Variants in KCNJ5 observed in about 807,000 individuals in gnomAD.
The protein encoded by KCNJ5 is G protein-activated inward rectifier potassium channel 4.
KCNJ5 carries 12 observed loss-of-function variants against 20.2 expected under a neutral mutation model. The observed-to-expected ratio is 0.59, with a 90% CI of 0.38 to 0.96. KCNJ5 has a LOEUF of 0.96. Among genes scored for constraint, KCNJ5 ranks in the 40% least tolerant of loss-of-function variants. The pLI, the probability that KCNJ5 is intolerant of heterozygous loss-of-function variation, is 0.00. For synonymous variants in KCNJ5, 210 were observed against 213.9 expected, an observed-to-expected ratio of 0.98 and a Z score of 0.16; for missense variants, 449 against 557.6, an observed-to-expected ratio of 0.81 and a Z score of 1.96.
intron 2 of KCNJ5, among the ~76,000 whole-genome samples, chr11:128,913,576 C>CTT (rs1329728786): frequency 3.4e-5 from 3 of 89,254 alleles, no homozygotes; most frequent in Non-Finnish European, 6.8e-5. Flanking sequence ...CTTTCTCTCT[C>CTT]TCTCTCTTTT....
rs756445908 is a variant in KCNJ5, at chr11:128,914,599, G to A, written c.938-1810G>A. ...TCAGCTTGAGTAGCACAACTCTGCC[G>A]TATCCTGCCTGAGCGGGTTTGAGCA... On this transcript the variant is annotated intron_variant, in intron 2 of 2. Transcript: ENST00000529694. Among the ~76,000 whole-genome samples the A allele has an allele frequency of 1.7e-4, 26 of 152,168 alleles. No individual in the cohort carries two copies. The East Asian group carries it at 2.1e-3, about 12-fold the overall frequency.
chr11:128,904,730 C>T lies in KCNJ5; in HGVS notation c.-10-6534C>T, dbSNP rs116520375. 8.6e-4 allele frequency: 500 copies of T among 581,126 alleles called. 3 individuals carry two copies. The highest frequency in any genetic ancestry group is 8.4e-3 in the African/African-American group (439 of 52,520). The allele number at this position is 581,126 out of a possible 1,614,324, so 36.0% of individuals were successfully genotyped here. A position where few individuals can be genotyped will look rare whatever the true frequency, so the allele number is the denominator to read the frequency against. On this transcript the variant is annotated intron_variant, in intron 1 of 2. Transcript: ENST00000529694. ...CCCAGAGCTCAACATAATTCAAACACCCAGTGGGTGTTGAGTGGGGGTTCG... is the reference window on the plus strand; with the variant it reads ...CCCAGAGCTCAACATAATTCAAACATCCAGTGGGTGTTGAGTGGGGGTTCG...
At chr11:128,907,868 G>A (rs1465050065) in intron 1 of KCNJ5, among the ~76,000 whole-genome samples, 1 of 152,222 alleles carries the variant, frequency 6.6e-6, no homozygotes, top group Non-Finnish European at 1.5e-5. Flanking sequence ...TTTATGTCCA[G>A]CTCCTAGCAC....
At position 128,904,632 on chromosome 11, in the gene KCNJ5, T is replaced by G. The variant is rs766255207; in HGVS notation, c.-10-6632T>G. 2.7e-3 allele frequency: 1,956 copies of G among 728,940 alleles called. 2 individuals carry two copies. Among genetic ancestry groups the G allele is most frequent in the Non-Finnish European group, 4.2e-3 (1,672 of 393,990 alleles). The allele number at this position is 728,940 out of a possible 1,614,324, so 45.2% of individuals were successfully genotyped here. A position where few individuals can be genotyped will look rare whatever the true frequency, so the allele number is the denominator to read the frequency against. Reference sequence around the variant, plus strand: ...CAGACCTACAGAATCAGAACCCGCATTTTAGCCAGATCCCCAGGAAGGGAA... The same window carrying G: ...CAGACCTACAGAATCAGAACCCGCAGTTTAGCCAGATCCCCAGGAAGGGAA... On this transcript the variant is annotated intron_variant, in intron 1 of 2. Coordinates refer to ENST00000529694, the MANE Select transcript of KCNJ5 (RefSeq NM_000890.5).
At chr11:128,915,969 GAT>G in intron 2 of KCNJ5, among the ~76,000 whole-genome samples, 1 of 92,444 alleles carries the variant, frequency 1.1e-5, no homozygotes. Flanking sequence ...TGATTGGATG[GAT>G]GGATGGATGG....
intron 1 of KCNJ5, chr11:128,900,604 G>GC: frequency 6.6e-6 from 1 of 152,314 alleles, no homozygotes; most frequent in South Asian, 2.1e-4. Context: ...CCTTTGTTGT[G>GC]CAGCCAGAAG....
chr11:128,916,630 G>C lies in KCNJ5; in HGVS notation c.1159G>C (p.Gly387Arg), dbSNP rs199830292. 94 of 1,613,914 alleles carry C rather than the reference G, an allele frequency of 5.8e-5. No homozygotes were observed. In the East Asian group the frequency reaches 2.1e-3, roughly 35 times the overall value. ...GTACCTCCCCAGCCCCCCACTGCTG[G>C]GGGGCTGTGCTGAGGCAGGGCTGGA... ...LQYLPSPPLL[G>R]GCAEAGLDAE... The change falls in exon 3 of 3, where the codon GGG becomes CGG. Residue 387 changes from glycine to arginine, a missense_variant. Coordinates refer to ENST00000529694, the MANE Select transcript of KCNJ5 (RefSeq NM_000890.5).
Position 128,912,243 on chromosome 11 carries a change from GC to G in KCNJ5, c.937+36del, listed in dbSNP as rs1266199092. ...GCTTTGTCCTCCTCAGCCACAGGTG[GC>G]CCTACCTACACTTCAGACTTAGGCA... is the stretch of plus-strand genomic sequence containing the variant. On this transcript the variant is annotated intron_variant, in intron 2 of 2. Transcript: ENST00000529694. 1.9e-6 allele frequency: 3 copies of G among 1,548,930 alleles called. No homozygotes were observed. The African/African-American group carries it at 4.1e-5, about 21-fold the overall frequency.
chr11:128,892,112 C>T (rs565163950), intron 1 of KCNJ5, among the ~76,000 whole-genome samples: 3 of 152,310 alleles, frequency 2.0e-5, no homozygotes, highest in South Asian at 2.1e-4. Flanking sequence ...GGATGGGGGG[C>T]GGTGCCCCCC....
chr11:128,892,420 C>T (rs1277077989), intron 1 of KCNJ5, among the ~76,000 whole-genome samples: 1 of 152,174 alleles, frequency 6.6e-6, no homozygotes, highest in East Asian at 1.9e-4. Flanking sequence ...AAACAGGGCT[C>T]TCCAACCCCA....
In KCNJ5 at chr11:128,911,180, C is replaced by T. The variant is rs1944490796; in HGVS notation, c.-10-84C>T. ...ATAACAGAAGAGAAGCCTGGGAGAG[C>T]CCCGGGGTGGGGGTGGCCTTCCATC... On this transcript the variant is annotated intron_variant, in intron 1 of 2. Transcript: ENST00000529694. This position sits in a 1 kb window ranked among gnomAD's most constrained non-coding sequence, Gnocchi z 6.3. 2 of 1,087,688 alleles carry T rather than the reference C, an allele frequency of 1.8e-6. No individual in the cohort carries two copies. The highest frequency in any genetic ancestry group is 1.6e-5 in the African/African-American group (1 of 64,288). 67.4% of individuals were successfully genotyped at this position (1,087,688 alleles called of 1,614,324 possible).
rs1944621704 is a variant in KCNJ5, at chr11:128,918,441, A to T, written c.*1710A>T. On this transcript the variant is annotated 3_prime_UTR_variant, in exon 3 of 3. Coordinates refer to ENST00000529694, the MANE Select transcript of KCNJ5 (RefSeq NM_000890.5). ...AGGGGGGCAGATTGTCAGGTCCCGAAATGTGTGTTGACACACACGGGCTTC... is the reference window on the plus strand; with the variant it reads ...AGGGGGGCAGATTGTCAGGTCCCGATATGTGTGTTGACACACACGGGCTTC... 6.6e-6 allele frequency: 1 copy of T among 152,302 alleles called. No homozygotes were observed. Among genetic ancestry groups the T allele is most frequent in the East Asian group, 1.9e-4 (1 of 5,188 alleles). The allele number at this position is 152,302 out of a possible 1,614,324, so 9.4% of individuals were successfully genotyped here.
chr11:128,915,656 G>T (rs891811283), intron 2 of KCNJ5, among the ~76,000 whole-genome samples: 1 of 152,174 alleles, frequency 6.6e-6, no homozygotes, highest in African/African-American at 2.4e-5. Flanking sequence ...CCACCACTAC[G>T]CCTTGAACTC....
At chr11:128,897,768 G>T (rs1377714665) in intron 1 of KCNJ5, among the ~76,000 whole-genome samples, 1 of 152,152 alleles carries the variant, frequency 6.6e-6, no homozygotes, top group African/African-American at 2.4e-5. Flanking sequence ...TTTTTCTCTA[G>T]AAAGTTTTAT....
chr11:128,897,093 C>CTTTTT (rs35966521), intron 1 of KCNJ5, among the ~76,000 whole-genome samples: 11 of 100,088 alleles, frequency 1.1e-4, no homozygotes, highest in African/African-American at 2.5e-4. Flanking sequence ...CCGTTTACCA[C>CTTTTT]TTTTTTTTTT....
chr11:128,912,382 T>C (rs554285710), intron 2 of KCNJ5, among the ~76,000 whole-genome samples, 172 bp downstream of exon 2: 1 of 152,318 alleles, frequency 6.6e-6, no homozygotes, highest in African/African-American at 2.4e-5. Context: ...GATTGAGTAA[T>C]AGCAATAGCT....
chr11:128,906,533 A>G (rs569503718), intron 1 of KCNJ5, among the ~76,000 whole-genome samples: 2 of 152,224 alleles, frequency 1.3e-5, no homozygotes, highest in South Asian at 2.1e-4. Context: ...GCCCCCTTCA[A>G]GCTCCTGTGG....
Position 128,895,619 on chromosome 11 carries a change from T to C in KCNJ5, c.-11+3898T>C, listed in dbSNP as rs1471398123. ...CCAGAAGAACTCCCTCAAAAATGAGTAGGGAGCTCCTAACACAGGCCAGAC... is the reference window on the plus strand; with the variant it reads ...CCAGAAGAACTCCCTCAAAAATGAGCAGGGAGCTCCTAACACAGGCCAGAC... On this transcript the variant is annotated intron_variant, in intron 1 of 2. Transcript: ENST00000529694. Among the ~76,000 whole-genome samples, 7 of 152,252 alleles carry C rather than the reference T, an allele frequency of 4.6e-5. No homozygotes were observed. In the East Asian group the frequency reaches 1.4e-3, roughly 29 times the overall value.
At chr11:128,895,017 G>A (rs1347807980) in intron 1 of KCNJ5, among the ~76,000 whole-genome samples, 1 of 152,126 alleles carries the variant, frequency 6.6e-6, no homozygotes, top group Non-Finnish European at 1.5e-5. Flanking sequence ...ACAGTTGGCA[G>A]GTGGCAACGG....
Sources: gnomAD v4.1 joint callset for allele counts (sites outside exome capture counted in the v4.1 genomes callset) on GRCh38, gnomAD v4.1.1 for gene constraint, Gnocchi (gnomAD v3.1) non-coding constraint, MANE v1.5 for transcripts, NCBI Gene and HGNC (gene_info 2026-07-23, HGNC 2026-07-21) for gene names.